C1QTNF7: variants seen among roughly 807,000 people sequenced by gnomAD.
C1QTNF7 encodes the protein complement C1q tumor necrosis factor-related protein 7.
C1QTNF7 carries 15 observed loss-of-function variants against 19.6 expected under a neutral mutation model. The observed-to-expected ratio is 0.76, with a 90% CI of 0.51 to 1.18. C1QTNF7 has a LOEUF of 1.18. Ranked by LOEUF, C1QTNF7 falls within the 50% of genes most tolerant of loss-of-function variation. The pLI is 0.00. For synonymous variants in C1QTNF7, 142 were observed against 137.5 expected (o/e 1.03, Z -0.23); for missense variants, 324 against 359.7 (o/e 0.90, Z 0.80).
chr4:15,390,202 G>A (rs1363474376), intron 1 of C1QTNF7, among the ~76,000 whole-genome samples: 1 of 152,194 alleles, frequency 6.6e-6, no homozygotes, highest in African/African-American at 2.4e-5. Flanking sequence ...GAGTCCTCCA[G>A]GAAGGGTAGG....
intron 1 of C1QTNF7, among the ~76,000 whole-genome samples, chr4:15,414,187 A>C (rs547856272): frequency 6.6e-6 from 1 of 152,330 alleles, no homozygotes; most frequent in South Asian, 2.1e-4. Context: ...TATGTGCTGA[A>C]TGAATAAATA....
Position 15,444,447 on chromosome 4 carries a change from C to T in C1QTNF7, c.*1648C>T, listed in dbSNP as rs1386594396. On this transcript the variant is annotated 3_prime_UTR_variant, in exon 3 of 3. Transcript: ENST00000444304. ...GGCGGCTGGGCAAAGGTGCTCCCCA[C>T]TTCCCAGATGGTGCGGCGGCTGGCC... 6.6e-6 allele frequency: 1 copy of T among 152,114 alleles called. No individual in the cohort carries two copies. The highest frequency in any genetic ancestry group is 6.6e-5 in the Admixed American group (1 of 15,264). The allele number at this position is 152,114 out of a possible 1,614,324, so 9.4% of individuals were successfully genotyped here.
chr4:15,340,463 A>C (rs796847533), intron 1 of C1QTNF7, among the ~76,000 whole-genome samples: 8 of 152,306 alleles, frequency 5.3e-5, no homozygotes, highest in African/African-American at 1.9e-4. Context: ...CAGAAAATGT[A>C]AGCGGAGTCT....
At chr4:15,440,777 G>A (rs752863778) in intron 2 of C1QTNF7, among the ~76,000 whole-genome samples, 2 of 152,120 alleles carry the variant, frequency 1.3e-5, no homozygotes, top group Non-Finnish European at 2.9e-5. Flanking sequence ...CATGGTGGTG[G>A]CAGTCATTGT....
intron 1 of C1QTNF7, among the ~76,000 whole-genome samples, chr4:15,347,381 T>C (rs996471157): frequency 1.3e-5 from 2 of 152,204 alleles, no homozygotes; most frequent in Non-Finnish European, 2.9e-5. Flanking sequence ...GAAAAAGTTA[T>C]CTTTCCTCTG....
chr4:15,445,303 A>G lies in C1QTNF7; in HGVS notation c.*2504A>G, dbSNP rs1240245758. ...AGTAACTAATCCGGGAAAAGTGAACATATGGGCCCTTTAAAGACTACAAGA... is the reference window on the plus strand; with the variant it reads ...AGTAACTAATCCGGGAAAAGTGAACGTATGGGCCCTTTAAAGACTACAAGA... On this transcript the variant is annotated 3_prime_UTR_variant, in exon 3 of 3. Transcript: ENST00000444304. 1 of 152,242 alleles carries G rather than the reference A, an allele frequency of 6.6e-6. No individual in the cohort carries two copies. Among genetic ancestry groups the G allele is most frequent in the Non-Finnish European group, 1.5e-5 (1 of 68,036 alleles). The allele number at this position is 152,242 out of a possible 1,614,324, so 9.4% of individuals were successfully genotyped here.
intron 1 of C1QTNF7, among the ~76,000 whole-genome samples, chr4:15,382,868 G>A (rs989690647): frequency 3.9e-5 from 6 of 152,166 alleles, no homozygotes; most frequent in South Asian, 2.1e-4. Flanking sequence ...TCCAGCTCTC[G>A]GCAGGCTCAC....
chr4:15,416,963 C>A (rs978834458), intron 1 of C1QTNF7, among the ~76,000 whole-genome samples: 1 of 152,218 alleles, frequency 6.6e-6, no homozygotes, highest in Non-Finnish European at 1.5e-5. Flanking sequence ...TTTCCCTATA[C>A]AAAAGATTTT....
At chr4:15,402,094 A>C (rs1430449597) in intron 1 of C1QTNF7, among the ~76,000 whole-genome samples, 1 of 152,218 alleles carries the variant, frequency 6.6e-6, no homozygotes, top group East Asian at 1.9e-4. Context: ...CAAGATATGG[A>C]CTGTGAAAAT....
chr4:15,339,930 G>A (rs894761606), upstream of C1QTNF7: 2 of 572,804 alleles, frequency 3.5e-6, no homozygotes, highest in African/African-American at 3.8e-5. Context: ...AAGTTGGCAA[G>A]TCCCTGGGAG....
At chr4:15,386,038 C>T (rs925836132) in intron 1 of C1QTNF7, among the ~76,000 whole-genome samples, 1 of 152,210 alleles carries the variant, frequency 6.6e-6, no homozygotes, top group African/African-American at 2.4e-5. Flanking sequence ...AAAAACCAGA[C>T]CTGGAAGCCA....
chr4:15,436,064 G>C, intron 2 of C1QTNF7, 83 bp downstream of exon 2: 14 of 1,526,414 alleles, frequency 9.2e-6, no homozygotes, highest in Non-Finnish European at 1.1e-5. Flanking sequence ...TTTTTCTAAT[G>C]GGAATTGCTC....
chr4:15,383,422 G>A lies in C1QTNF7; in HGVS notation c.13+43215G>A, dbSNP rs112192909. Reference sequence around the variant, plus strand: ...GCCCTCCTGAAAAATTTTCCTGGAAGCATTCCTTTCAGTATCTGATACAAC... The same window carrying A: ...GCCCTCCTGAAAAATTTTCCTGGAAACATTCCTTTCAGTATCTGATACAAC... On this transcript the variant is annotated intron_variant, in intron 1 of 2. Transcript: ENST00000295297. 6.4e-3 allele frequency among the ~76,000 whole-genome samples: 967 copies of A among 152,270 alleles called. 14 individuals are homozygous for A. Among genetic ancestry groups the A allele is most frequent in the Non-Finnish European group, 9.9e-3 (670 of 68,018 alleles).
At chr4:15,350,322 A>G (rs374934964) in intron 1 of C1QTNF7, among the ~76,000 whole-genome samples, 3,443 of 31,654 alleles carry the variant, frequency 0.11, 870 homozygotes, top group Middle Eastern at 0.21. Context: ...GAGGGAAGGA[A>G]GGAGGAAAGA....
At chr4:15,391,623 C>G (rs960818333) in intron 1 of C1QTNF7, among the ~76,000 whole-genome samples, 2 of 152,150 alleles carry the variant, frequency 1.3e-5, no homozygotes, top group African/African-American at 4.8e-5. Flanking sequence ...TCCCAGTGCC[C>G]TATCTCCAAA....
At chr4:15,427,134 C>A (rs1015635436), upstream of C1QTNF7, among the ~76,000 whole-genome samples, 27 of 152,060 alleles carry the variant, frequency 1.8e-4, no homozygotes, top group African/African-American at 6.5e-4. Flanking sequence ...AACGGGGAGC[C>A]CAGCAATCTC....
rs1340064314 is a variant in C1QTNF7 at position 15,443,441 on chromosome 4, G to A, written c.*642G>A. 1 of 152,246 alleles carries A rather than the reference G, an allele frequency of 6.6e-6. No individual in the cohort carries two copies. Among genetic ancestry groups the A allele is most frequent in the Non-Finnish European group, 1.5e-5 (1 of 68,050 alleles). The allele number at this position is 152,246 out of a possible 1,614,324, so 9.4% of individuals were successfully genotyped here. ...GTGGTGATCAAACTATCACAATTCA[G>A]TGTGATGAGCAGCATAGCAAACAGA... On this transcript the variant is annotated 3_prime_UTR_variant, in exon 3 of 3. Transcript: ENST00000444304.
intron 1 of C1QTNF7, among the ~76,000 whole-genome samples, chr4:15,405,241 G>A (rs897120491): frequency 7.2e-5 from 11 of 152,114 alleles, no homozygotes; most frequent in South Asian, 4.2e-4. Context: ...CACTTGTGTC[G>A]AATGACAGCA....
At chr4:15,367,030 C>A (rs1271279892) in intron 1 of C1QTNF7, among the ~76,000 whole-genome samples, 1 of 152,142 alleles carries the variant, frequency 6.6e-6, no homozygotes, top group Non-Finnish European at 1.5e-5. Flanking sequence ...ATCTATTTAT[C>A]CATAATGAAA....
Sources: allele counts gnomAD v4.1 joint callset (sites outside exome capture counted in the v4.1 genomes callset), GRCh38; gene constraint gnomAD v4.1.1; transcripts MANE v1.5; gene names NCBI Gene and HGNC (gene_info 2026-07-23, HGNC 2026-07-21).